OIP5: variants seen among roughly 807,000 people sequenced by gnomAD.
OIP5 encodes the protein protein Mis18-beta.
OIP5 carries 24 observed loss-of-function variants against 20.3 expected under a neutral mutation model. The observed-to-expected ratio is 1.18, with a 90% confidence interval of 0.86 to 1.66. OIP5 has a LOEUF of 1.66. Among genes scored for constraint, OIP5 ranks in the 40% most tolerant of loss-of-function variants. The probability of loss-of-function intolerance (pLI) is 0.00; values close to 1 mark genes in which losing one functional copy is unlikely to be tolerated. For synonymous variants in OIP5, 143 were observed against 121.3 expected, an observed-to-expected ratio of 1.18 and a Z score of -1.17; for missense variants, 339 against 289.5, an observed-to-expected ratio of 1.17 and a Z score of -1.24.
intron 2 of OIP5, among the ~76,000 whole-genome samples, chr15:41,323,500 TTTTC>T (rs2047842622): frequency 6.6e-6 from 1 of 152,112 alleles, no homozygotes; most frequent in African/African-American, 2.4e-5. Flanking sequence ...TGAAGCTTTT[TTTTC>T]TTTTTCTTTT....
At chr15:41,332,158 G>T in intron 1 of OIP5, 82 bp downstream of exon 1, 1 of 1,438,434 alleles carries the variant, frequency 7.0e-7, no homozygotes, top group Non-Finnish European at 9.5e-7. Context: ...TTCCCCAGGT[G>T]GTTCTCCGCC....
At chr15:41,326,436 A>AT (rs1316910816) in intron 2 of OIP5, among the ~76,000 whole-genome samples, 36 of 151,966 alleles carry the variant, frequency 2.4e-4, no homozygotes, top group Non-Finnish European at 5.0e-4. Context: ...TTTGTTTGTG[A>AT]TTTTTTGAGA....
chr15:41,321,443 A>G (rs1386665955), intron 2 of OIP5, among the ~76,000 whole-genome samples: 6 of 152,248 alleles, frequency 3.9e-5, no homozygotes, highest in Non-Finnish European at 8.8e-5. Flanking sequence ...CTCATTGAGA[A>G]TGGGCCATGA....
rs1424050141 is a variant in OIP5, at chr15:41,321,578, AAG to A, written c.390-1800_390-1799del. 2.6e-5 allele frequency among the ~76,000 whole-genome samples: 4 copies of A among 152,272 alleles called. 1 individual carries two copies. Among genetic ancestry groups the A allele is most frequent in the Middle Eastern group, 6.8e-3 (2 of 294 alleles). On this transcript the variant is annotated intron_variant, in intron 2 of 4. Coordinates refer to ENST00000220514, the MANE Select transcript of OIP5 (RefSeq NM_007280.2). Reference sequence around the variant, plus strand: ...GAGACTTTTCATTTTGTTCTGTACTAAGAAAAATTCTTCTGCCTTGGGATCCT... The same window carrying A: ...GAGACTTTTCATTTTGTTCTGTACTAAAAAATTCTTCTGCCTTGGGATCCT...
At chr15:41,327,712 C>T (rs899356419) in intron 2 of OIP5, among the ~76,000 whole-genome samples, 1 of 151,806 alleles carries the variant, frequency 6.6e-6, no homozygotes, top group African/African-American at 2.4e-5. Context: ...CACTTGAACC[C>T]GGGAGGCGGA....
At chr15:41,311,582 A>T (rs944466076) in intron 4 of OIP5, among the ~76,000 whole-genome samples, 2 of 152,044 alleles carry the variant, frequency 1.3e-5, no homozygotes, top group Admixed American at 6.6e-5. Flanking sequence ...TATTATTATT[A>T]TTTTTGAAAT....
chr15:41,319,736 C>CCA lies in OIP5; in HGVS notation c.432_433dup (p.Gly145ValfsTer15), dbSNP rs1303658686. The CCA allele has an allele frequency of 6.2e-7, 1 of 1,613,676 alleles. No individual in the cohort carries two copies. The highest frequency in any genetic ancestry group is 1.7e-5 in the Admixed American group (1 of 59,974). Reference sequence around the variant, plus strand: ...AGCATGGGTAGAATACAGATGGAAACCAACGGGAATCCCACAAGAACCACA... The same window carrying CCA: ...AGCATGGGTAGAATACAGATGGAAACCACAACGGGAATCCCACAAGAACCACA... On this transcript the variant is annotated frameshift_variant, in exon 3 of 5. Transcript: ENST00000220514. LOFTEE classifies it high-confidence loss of function.
intron 4 of OIP5, among the ~76,000 whole-genome samples, chr15:41,312,008 A>T (rs137987432): frequency 0.016 from 2,153 of 137,538 alleles, 133 homozygotes; most frequent in African/African-American, 0.052. Flanking sequence ...GCATGCGCCA[A>T]CACGCCCGGC....
chr15:41,309,589 T>C lies in OIP5; in HGVS notation c.*165A>G. On this transcript the variant is annotated 3_prime_UTR_variant, in exon 5 of 5. Transcript: ENST00000220514. ...GAAGAATCCTTAGTCTCTCATCTTC[T>C]AAAAACAGCTTCACAAATAATTTGG... 2.0e-6 allele frequency: 1 copy of C among 504,292 alleles called. No individual in the cohort carries two copies. Among genetic ancestry groups the C allele is most frequent in the Non-Finnish European group, 3.5e-6 (1 of 284,398 alleles). The allele number at this position is 504,292 out of a possible 1,614,324, so 31.2% of individuals were successfully genotyped here. A position where few individuals can be genotyped will look rare whatever the true frequency, so the allele number is the denominator to read the frequency against.
In OIP5 at chr15:41,332,258, C is replaced by A. The variant is rs1207981546; in HGVS notation, c.304G>T (p.Gly102Trp). The A allele has an allele frequency of 6.5e-7, 1 of 1,550,090 alleles. No individual in the cohort carries two copies. The highest frequency in any genetic ancestry group is 1.4e-5 in the African/African-American group (1 of 73,030). ...HLAWDLSRSL[G>W]AVVFSRVTNN... ...CACTCACTGGAGAAGACCACGGCCCCGAGGGACCGCGACAGGTCCCAGGCG... is the reference window on the plus strand; with the variant it reads ...CACTCACTGGAGAAGACCACGGCCCAGAGGGACCGCGACAGGTCCCAGGCG... The change falls in exon 1 of 5, where the codon GGG becomes TGG. Residue 102 changes from glycine (G) to tryptophan (W), a missense_variant. By Grantham distance (184) the Gly-to-Trp change is radical. Transcript: ENST00000220514.
At chr15:41,313,242 A>T (rs1439294152) in intron 4 of OIP5, 31 bp downstream of exon 4, 10 of 1,339,474 alleles carry the variant, frequency 7.5e-6, no homozygotes, top group South Asian at 2.4e-5. Context: ...TCTGTATTTT[A>T]AAAAAGCATA....
In OIP5 at chr15:41,332,362, G is replaced by A. The variant is rs772716395; in HGVS notation, c.200C>T (p.Pro67Leu). Residue 67 changes from proline (P) to leucine (L), a missense_variant, in exon 1 of 5, where the codon CCG becomes CTG. By Grantham distance (98) the Pro-to-Leu change is moderately conservative (BLOSUM62 -3). Coordinates refer to ENST00000220514, the MANE Select transcript of OIP5 (RefSeq NM_007280.2). The stretch of plus-strand genomic sequence containing the variant: ...GCACCTCTCAGGCTGCAGCCAAGAC[G>A]GCAGCTGCGGGCCGGCGGCTGGCTC... ...AEEPAAGPQL[P>L]SWLQPERCAV... 3.7e-6 allele frequency: 6 copies of A among 1,612,622 alleles called. No homozygotes were observed. Among genetic ancestry groups the A allele is most frequent in the East Asian group, 2.2e-5 (1 of 44,858 alleles).
chr15:41,323,323 A>G (rs1321875472), intron 2 of OIP5, among the ~76,000 whole-genome samples: 1 of 152,186 alleles, frequency 6.6e-6, no homozygotes, highest in African/African-American at 2.4e-5. Context: ...CGTCTCTACT[A>G]AAAATACAAA....
intron 2 of OIP5, 124 bp from the exon 3 acceptor site, chr15:41,319,904 G>C: frequency 1.4e-6 from 1 of 710,400 alleles, no homozygotes; most frequent in Non-Finnish European, 2.2e-6. Context: ...TAATAGGAAT[G>C]AGACGGAAAG....
chr15:41,320,621 C>A (rs1219603782), intron 2 of OIP5, among the ~76,000 whole-genome samples: 1 of 152,192 alleles, frequency 6.6e-6, no homozygotes, highest in Admixed American at 6.5e-5. Flanking sequence ...GTGGCATGAT[C>A]TTGGCTCGCT....
chr15:41,332,483 C>T lies in OIP5; in HGVS notation c.79G>A (p.Ala27Thr). The T allele has an allele frequency of 1.9e-6, 3 of 1,614,102 alleles. No individual in the cohort carries two copies. Among genetic ancestry groups the T allele is most frequent in the East Asian group, 4.5e-5 (2 of 44,874 alleles). Residue 27 changes from alanine (A) to threonine (T), a missense_variant, in exon 1 of 5, where the codon GCG (alanine) becomes ACG (threonine). By Grantham distance (58) the Ala-to-Thr change is moderately conservative. Coordinates refer to ENST00000220514, the MANE Select transcript of OIP5 (RefSeq NM_007280.2). ...GTCGTAAAAGAAGCTTGGTCAATCG[C>T]CCTCTCAGTGCCACCACAAAAGTCC... is the stretch of plus-strand genomic sequence containing the variant. ...RGDFCGGTER[A>T]IDQASFTTSM...
intron 2 of OIP5, among the ~76,000 whole-genome samples, chr15:41,322,506 T>C (rs7165675): frequency 0.38 from 57,722 of 151,992 alleles, 12,071 homozygotes; most frequent in African/African-American, 0.57. Context: ...TCAACTGATC[T>C]ACCTGCCTCA....
intron 3 of OIP5, among the ~76,000 whole-genome samples, chr15:41,316,780 A>G: frequency 8.3e-6 from 1 of 120,612 alleles, no homozygotes; most frequent in Non-Finnish European, 1.6e-5. Context: ...CCACAGCAAG[A>G]CTCCATCTCA....
rs139765740 is a variant in OIP5, at chr15:41,332,458, G to A, written c.104C>T (p.Thr35Ile). The A allele has an allele frequency of 2.4e-5, 38 of 1,613,984 alleles. No individual in the cohort carries two copies. Among genetic ancestry groups the A allele is most frequent in the African/African-American group, 1.7e-4 (13 of 74,938 alleles). ...ERAIDQASFTTSMEWDTQVVK... is the reference protein window; with the variant it reads ...ERAIDQASFTISMEWDTQVVK... The stretch of plus-strand genomic sequence containing the variant: ...CACCTGCGTATCCCACTCCATGGAG[G>A]TCGTAAAAGAAGCTTGGTCAATCGC... Residue 35 changes from threonine (T) to isoleucine (I), a missense_variant, in exon 1 of 5, where the codon ACC (threonine) becomes ATC (isoleucine). By Grantham distance (89) the Thr-to-Ile change is moderately conservative. Coordinates refer to ENST00000220514, the MANE Select transcript of OIP5 (RefSeq NM_007280.2).
Sources: allele counts gnomAD v4.1 joint callset (sites outside exome capture counted in the v4.1 genomes callset), GRCh38; gene constraint gnomAD v4.1.1; transcripts MANE v1.5; gene names NCBI Gene and HGNC (gene_info 2026-07-23, HGNC 2026-07-21).